The following ABCA13 variants were observed in gnomAD, a reference collection of about 807,000 sequenced individuals.
ABCA13 encodes the protein ATP binding cassette subfamily A member 13.
Under a neutral mutation model 478.7 loss-of-function variants are expected in ABCA13, and 476 were observed. That is an observed-to-expected ratio of 0.99 (90% confidence interval 0.92 to 1.07). The LOEUF (loss-of-function observed/expected upper bound fraction) is 1.07. Among genes scored for constraint, ABCA13 ranks in the 50% least tolerant of loss-of-function variants. The probability of loss-of-function intolerance (pLI) is 0.00; values close to 1 mark genes in which losing one functional copy is unlikely to be tolerated. For missense variants in ABCA13, 6,060 were observed against 5,910.6 expected (o/e 1.03, Z -0.83); for synonymous variants, 2,252 against 2,158.9 (o/e 1.04, Z -1.20).
intron 52 of ABCA13, among the ~76,000 whole-genome samples, chr7:48,518,285 G>T (rs1412959519): frequency 6.6e-6 from 1 of 152,136 alleles, no homozygotes. Flanking sequence ...CATGAATCAT[G>T]GTGAAACTGA....
intron 26 of ABCA13, 59 bp from the exon 27 acceptor site, chr7:48,317,094 TTCCC>T: frequency 6.5e-7 from 1 of 1,536,412 alleles, no homozygotes; most frequent in Non-Finnish European, 8.7e-7. Flanking sequence ...GTGAATGAAT[TTCCC>T]TATTAACCTA....
chr7:48,537,603 C>A (rs185033163), intron 55 of ABCA13, among the ~76,000 whole-genome samples: 109 of 152,292 alleles, frequency 7.2e-4, no homozygotes, highest in Admixed American at 5.6e-3. Context: ...CTAATTCCTA[C>A]TGGCTATTTT....
At chr7:48,433,607 C>G (rs889442080) in intron 42 of ABCA13, among the ~76,000 whole-genome samples, 4 of 151,500 alleles carry the variant, frequency 2.6e-5, no homozygotes, top group Non-Finnish European at 4.4e-5. Flanking sequence ...ATTGTGCAAC[C>G]ATCATCATCA....
intron 40 of ABCA13, among the ~76,000 whole-genome samples, chr7:48,411,023 CTTTCTTTCTTTCTTTCTTTCTTTCTT>C (rs1415755980): frequency 5.7e-4 from 67 of 118,190 alleles, no homozygotes; most frequent in African/African-American, 1.8e-3. Flanking sequence ...TTCTTTCTTT[CTTTCTTTCTTTCTTTCTTTCTTTCTT>C]TTTCTTTCTT....
At chr7:48,191,541 T>C (rs899709557) in intron 1 of ABCA13, among the ~76,000 whole-genome samples, 6 of 152,160 alleles carry the variant, frequency 3.9e-5, no homozygotes, top group Non-Finnish European at 8.8e-5. Flanking sequence ...GTAGCTGGAA[T>C]TACAGGTGTG....
intron 55 of ABCA13, among the ~76,000 whole-genome samples, chr7:48,537,491 A>G (rs149985355): frequency 0.014 from 2,208 of 152,306 alleles, 21 homozygotes; most frequent in Non-Finnish European, 0.021. Flanking sequence ...TGGCGAGAGC[A>G]CACCTGAACA....
chr7:48,520,309 A>T lies in ABCA13; in HGVS notation c.14051+15A>T, dbSNP rs34364517. On this transcript the variant is annotated intron_variant, in intron 53 of 61. Transcript: ENST00000435803. The stretch of plus-strand genomic sequence containing the variant: ...CGATGGCCAAGGTGGGTTCTGAAGG[A>T]CTCATCCTCGAGCTGCACTTACTCC... 6.3e-7 allele frequency: 1 copy of T among 1,595,084 alleles called. No individual in the cohort carries two copies. The highest frequency in any genetic ancestry group is 8.6e-7 in the Non-Finnish European group (1 of 1,168,392).
At chr7:48,180,209 G>T (rs756256241) in intron 1 of ABCA13, among the ~76,000 whole-genome samples, 2 of 152,172 alleles carry the variant, frequency 1.3e-5, no homozygotes, top group Non-Finnish European at 2.9e-5. Flanking sequence ...ACTACTGGGG[G>T]CATTACCACA....
intron 1 of ABCA13, among the ~76,000 whole-genome samples, chr7:48,188,647 T>C (rs1796677178): frequency 6.6e-6 from 1 of 151,902 alleles, no homozygotes; most frequent in African/African-American, 2.4e-5. Flanking sequence ...TTCTTTTCTC[T>C]CCCCCCACCC....
intron 3 of ABCA13, among the ~76,000 whole-genome samples, chr7:48,199,526 A>C (rs1300782280): frequency 6.6e-6 from 1 of 152,168 alleles, no homozygotes; most frequent in East Asian, 1.9e-4. Flanking sequence ...CACCTCCGCT[A>C]TATCATCTTA....
At chr7:48,225,131 G>GCCTT (rs1434820823) in intron 5 of ABCA13, among the ~76,000 whole-genome samples, 5,852 of 104,902 alleles carry the variant, frequency 0.056, 227 homozygotes, top group Non-Finnish European at 0.075. Flanking sequence ...CTGCCTGCCT[G>GCCTT]CCTGCCTTCC....
chr7:48,444,669 C>T (rs1824049855), intron 42 of ABCA13, among the ~76,000 whole-genome samples: 1 of 152,058 alleles, frequency 6.6e-6, no homozygotes, highest in Non-Finnish European at 1.5e-5. Context: ...CTGAGGTTTC[C>T]TTGTTCCCAT....
chr7:48,475,638 G>C (rs1048684172), intron 45 of ABCA13, among the ~76,000 whole-genome samples: 1 of 151,710 alleles, frequency 6.6e-6, no homozygotes, highest in Non-Finnish European at 1.5e-5. Flanking sequence ...GCTAATTTTT[G>C]TATTTTTAGT....
intron 26 of ABCA13, among the ~76,000 whole-genome samples, chr7:48,314,686 G>C (rs556926642): frequency 6.6e-6 from 1 of 152,216 alleles, no homozygotes; most frequent in East Asian, 1.9e-4. Context: ...GGTTTCCCAG[G>C]CTAACCAGTA....
intron 44 of ABCA13, among the ~76,000 whole-genome samples, chr7:48,469,505 C>A (rs572250832): frequency 2.0e-5 from 3 of 152,310 alleles, no homozygotes; most frequent in African/African-American, 7.2e-5. Context: ...TCATTTGCAT[C>A]AGTGTGCTCT....
chr7:48,271,866 T>C lies in ABCA13; in HGVS notation c.2200T>C (p.Leu734=), dbSNP rs775147217. The C allele has an allele frequency of 1.2e-6, 2 of 1,603,926 alleles. No homozygotes were observed. The highest frequency in any genetic ancestry group is 1.7e-6 in the Non-Finnish European group (2 of 1,174,556). Residue 734 remains leucine, a synonymous_variant, in exon 17 of 62, where the codon TTA becomes CTA. Coordinates refer to ENST00000435803, the MANE Select transcript of ABCA13 (RefSeq NM_152701.5). ...TLEDEQMNFL[L]SFVEFFEKLL... ...TGAGGATGAACAAATGAACTTTCTT[T>C]TATCATTTGTGGAATTTTTTGAGAA... is the stretch of plus-strand genomic sequence containing the variant.
At chr7:48,370,056 T>C (rs1812394665) in intron 32 of ABCA13, among the ~76,000 whole-genome samples, 1 of 152,190 alleles carries the variant, frequency 6.6e-6, no homozygotes, top group Non-Finnish European at 1.5e-5. Context: ...GCGTCATCTG[T>C]GATTTCTTTT....
intron 48 of ABCA13, among the ~76,000 whole-genome samples, chr7:48,493,108 A>C (rs1348256744): frequency 1.3e-5 from 2 of 152,190 alleles, no homozygotes; most frequent in Non-Finnish European, 2.9e-5. Flanking sequence ...TCACATTATC[A>C]TTATTTGTTT....
chr7:48,357,845 A>G (rs1810172876), intron 31 of ABCA13, among the ~76,000 whole-genome samples: 1 of 151,740 alleles, frequency 6.6e-6, no homozygotes, highest in Admixed American at 6.6e-5. Context: ...TTGTATTTGA[A>G]AGTCTGGTAT....
Sources: allele counts gnomAD v4.1 joint callset (sites outside exome capture counted in the v4.1 genomes callset), GRCh38; gene constraint gnomAD v4.1.1; transcripts MANE v1.5; gene names NCBI Gene and HGNC (gene_info 2026-07-23, HGNC 2026-07-21).